The following ANKRD12 variants were observed in gnomAD, a reference collection of about 807,000 sequenced individuals.
ANKRD12 encodes ankyrin repeat domain 12.
In ANKRD12, 85 loss-of-function variants were observed where a neutral mutation model predicts 183.4. The ratio of observed to expected loss-of-function variants is 0.46; its 90% CI spans 0.39 to 0.56. ANKRD12 has a LOEUF of 0.56. Among genes scored for constraint, ANKRD12 ranks in the 20% least tolerant of loss-of-function variants. ANKRD12 has a pLI of 0.00. For missense variants in ANKRD12, 2,405 were observed against 2,357.1 expected, an observed-to-expected ratio of 1.02 and a Z score of -0.42; for synonymous variants, 914 against 800.2, an observed-to-expected ratio of 1.14 and a Z score of -2.40.
At chr18:9,272,684 A>G (rs578139255) in intron 10 of ANKRD12, among the ~76,000 whole-genome samples, 4 of 152,250 alleles carry the variant, frequency 2.6e-5, no homozygotes, top group East Asian at 1.9e-4. Flanking sequence ...GCATCTGGCT[A>G]TTTTTAATTT....
chr18:9,202,025 A>G (rs2035201689), intron 3 of ANKRD12, among the ~76,000 whole-genome samples: 2 of 151,976 alleles, frequency 1.3e-5, no homozygotes, highest in Non-Finnish European at 2.9e-5. Flanking sequence ...ATGGGGTTTC[A>G]CCATGTAGGC....
chr18:9,157,730 G>A (rs2030825064), intron 1 of ANKRD12, among the ~76,000 whole-genome samples: 1 of 150,488 alleles, frequency 6.6e-6, no homozygotes, highest in South Asian at 2.1e-4. Flanking sequence ...AGTATGTTAT[G>A]TATATTTAAT....
chr18:9,193,289 C>G (rs1199932037), intron 2 of ANKRD12, among the ~76,000 whole-genome samples: 1 of 152,010 alleles, frequency 6.6e-6, no homozygotes, highest in African/African-American at 2.4e-5. Flanking sequence ...CAGGCGCATG[C>G]CACCATGCCT....
At chr18:9,171,811 G>A (rs1174707957) in intron 1 of ANKRD12, among the ~76,000 whole-genome samples, 1 of 152,036 alleles carries the variant, frequency 6.6e-6, no homozygotes, top group African/African-American at 2.4e-5. Context: ...CCTGAAGTCA[G>A]GAGTTCGAGA....
chr18:9,217,669 G>C (rs1242736893), intron 7 of ANKRD12, among the ~76,000 whole-genome samples: 3 of 152,088 alleles, frequency 2.0e-5, no homozygotes, highest in Non-Finnish European at 4.4e-5. Flanking sequence ...GCCTACCAGT[G>C]GTCTACTCTT....
chr18:9,241,375 T>C (rs2037652534), intron 8 of ANKRD12, among the ~76,000 whole-genome samples: 1 of 152,188 alleles, frequency 6.6e-6, no homozygotes, highest in African/African-American at 2.4e-5. Flanking sequence ...TTAAATGACG[T>C]CTTAGTAGCT....
chr18:9,139,101 A>T lies in ANKRD12; in HGVS notation c.-52+2136A>T, dbSNP rs76953908. Among the ~76,000 whole-genome samples, 1,138 of 152,352 alleles carry T rather than the reference A, an allele frequency of 7.5e-3. 13 individuals are homozygous for T. The highest frequency in any genetic ancestry group is 0.026 in the African/African-American group (1,064 of 41,586). On this transcript the variant is annotated intron_variant, in intron 1 of 12. Coordinates refer to ENST00000262126, the MANE Select transcript of ANKRD12 (RefSeq NM_015208.5). ...GTTTTATGAACTACGCAGAACTGGGAAAGTGGAAATCTCTGGGTGTGTATT... is the reference window on the plus strand; with the variant it reads ...GTTTTATGAACTACGCAGAACTGGGTAAGTGGAAATCTCTGGGTGTGTATT...
chr18:9,238,846 G>T (rs2144968196), intron 8 of ANKRD12, among the ~76,000 whole-genome samples: 1 of 152,330 alleles, frequency 6.6e-6, no homozygotes, highest in Middle Eastern at 3.4e-3. Flanking sequence ...TTAAGGCTGG[G>T]TGCAGTGGCT....
In ANKRD12 at chr18:9,235,766, G is replaced by T; in HGVS notation, c.943+13767G>T. ...GCCTTGGTTCTTTAACAGATATTTT[G>T]TGTGGAAAAGAAACAGAAGAAGACC... On this transcript the variant is annotated intron_variant, in intron 8 of 12. Coordinates refer to ENST00000262126, the MANE Select transcript of ANKRD12 (RefSeq NM_015208.5). 7 of 438,142 alleles carry T rather than the reference G, an allele frequency of 1.6e-5. No homozygotes were observed. The Middle Eastern group carries it at 2.3e-3, about 147-fold the overall frequency. 27.1% of individuals were successfully genotyped at this position (438,142 alleles called of 1,614,324 possible). A position where few individuals can be genotyped will look rare whatever the true frequency, so the allele number is the denominator to read the frequency against.
chr18:9,172,818 C>T (rs907629401), intron 1 of ANKRD12, among the ~76,000 whole-genome samples: 6 of 151,958 alleles, frequency 3.9e-5, no homozygotes, highest in East Asian at 3.9e-4. Flanking sequence ...GAGTTTTCAG[C>T]GTTTTTTGCA....
intron 1 of ANKRD12, among the ~76,000 whole-genome samples, chr18:9,138,458 A>T (rs1258317161): frequency 2.0e-5 from 3 of 152,246 alleles, no homozygotes; most frequent in African/African-American, 7.2e-5. Context: ...GGTTGCAGTG[A>T]GCCGAGATCG....
intron 8 of ANKRD12, among the ~76,000 whole-genome samples, chr18:9,237,178 C>T (rs1304103648): frequency 6.6e-6 from 1 of 152,124 alleles, no homozygotes; most frequent in Non-Finnish European, 1.5e-5. Context: ...GAAAAACAGT[C>T]TAGCAACAGC....
intron 1 of ANKRD12, among the ~76,000 whole-genome samples, chr18:9,176,064 C>T (rs917782260): frequency 6.6e-6 from 1 of 152,112 alleles, no homozygotes; most frequent in East Asian, 1.9e-4. Context: ...TGTATCATTG[C>T]TGTTGTCTTG....
At chr18:9,163,525 G>T (rs1425816825) in intron 1 of ANKRD12, among the ~76,000 whole-genome samples, 1 of 152,132 alleles carries the variant, frequency 6.6e-6, no homozygotes, top group Admixed American at 6.5e-5. Flanking sequence ...CTCTTTTTTG[G>T]TACCATATGA....
chr18:9,147,040 T>G (rs1207057561), intron 1 of ANKRD12, among the ~76,000 whole-genome samples: 1 of 152,216 alleles, frequency 6.6e-6, no homozygotes, highest in African/African-American at 2.4e-5. Context: ...CTTTATTTAT[T>G]ACTTGGATTG....
intron 1 of ANKRD12, among the ~76,000 whole-genome samples, chr18:9,145,603 T>C (rs1031930497): frequency 9.9e-5 from 15 of 152,130 alleles, no homozygotes; most frequent in Non-Finnish European, 5.9e-5. Context: ...ATGGTTAGCA[T>C]ATGTTTATTG....
rs975066961 is a variant in ANKRD12, at chr18:9,220,272, A to G, written c.796-1580A>G. Among the ~76,000 whole-genome samples the G allele has an allele frequency of 2.6e-5, 4 of 152,324 alleles. No individual in the cohort carries two copies. In the South Asian group the frequency reaches 8.3e-4, roughly 32 times the overall value. ...TTAAGGTGTGATATGTTTTCTAAGT[A>G]CCAGAAAACACCATAGTTATGTCCT... On this transcript the variant is annotated intron_variant, in intron 7 of 12. Coordinates refer to ENST00000262126, the MANE Select transcript of ANKRD12 (RefSeq NM_015208.5).
rs140186282 is a variant in ANKRD12 at position 9,273,382 on chromosome 18, C to G, written c.5764-2142C>G. On this transcript the variant is annotated intron_variant, in intron 10 of 12. Coordinates refer to ENST00000262126, the MANE Select transcript of ANKRD12 (RefSeq NM_015208.5). ...TTTACAAGTAGTTGATGTCATCATA[C>G]AGTATGTTTATTTCTATAAAAATAT... Among the ~76,000 whole-genome samples, 363 of 152,274 alleles carry G rather than the reference C, an allele frequency of 2.4e-3. 2 individuals are homozygous for G. The highest frequency in any genetic ancestry group is 8.4e-3 in the African/African-American group (347 of 41,542).
intron 12 of ANKRD12, 59 bp downstream of exon 12, chr18:9,279,703 A>AC: frequency 9.7e-7 from 1 of 1,029,224 alleles, no homozygotes; most frequent in Non-Finnish European, 1.5e-6. Flanking sequence ...AAAAAAAAAA[A>AC]ACTCTACAGC....
Sources: gnomAD v4.1 joint callset for allele counts (sites outside exome capture counted in the v4.1 genomes callset) on GRCh38, gnomAD v4.1.1 for gene constraint, MANE v1.5 for transcripts, NCBI Gene and HGNC (gene_info 2026-07-23, HGNC 2026-07-21) for gene names.